The following YTHDF3 variants were observed in gnomAD, a reference collection of about 807,000 sequenced individuals.
The protein encoded by YTHDF3 is YTH N6-methyladenosine RNA binding protein F3, also known as YTH domain-containing family protein 3.
Under a neutral mutation model 52.5 loss-of-function variants are expected in YTHDF3, and 9 were observed. The observed-to-expected ratio is 0.17, with a 90% confidence interval of 0.10 to 0.30. The LOEUF is 0.30. Ranked by LOEUF, YTHDF3 falls within the 10% of genes least tolerant of loss-of-function variation. The pLI is 1.00. For synonymous variants in YTHDF3, 274 were observed against 243.3 expected (o/e 1.13, Z -1.18); for missense variants, 534 against 715.0 (o/e 0.75, Z 2.89).
chr8:63,209,603 G>T (rs2150407047), intron 4 of YTHDF3, 80 bp from the exon 5 acceptor site: 1 of 1,323,856 alleles, frequency 7.6e-7, no homozygotes, highest in South Asian at 1.4e-5. Context: ...TACATTATAT[G>T]TGCATATAGT....
chr8:63,197,742 A>G (rs1261426689), intron 4 of YTHDF3, among the ~76,000 whole-genome samples: 1 of 152,186 alleles, frequency 6.6e-6, no homozygotes, highest in African/African-American at 2.4e-5. Context: ...TATAATGGCA[A>G]CCCCTCAGAG....
chr8:63,169,061 C>G (rs1441428152), intron 1 of YTHDF3, 160 bp downstream of exon 1: 2 of 1,408,746 alleles, frequency 1.4e-6, no homozygotes, highest in African/African-American at 3.1e-5. Flanking sequence ...GGGCGTGCGC[C>G]CTGGCCCCGT....
At chr8:63,188,703 T>TATAA (rs1563404238) in intron 4 of YTHDF3, 1 of 39,906 alleles carries the variant, frequency 2.5e-5, no homozygotes, top group African/African-American at 1.1e-4. Flanking sequence ...ATATATATAT[T>TATAA]TTTTTTTTTT....
intron 4 of YTHDF3, among the ~76,000 whole-genome samples, chr8:63,200,108 G>C (rs1309858350): frequency 6.6e-6 from 1 of 152,194 alleles, no homozygotes; most frequent in Non-Finnish European, 1.5e-5. Flanking sequence ...TGAATACTCT[G>C]CTGGTGAAAA....
chr8:63,198,555 C>T (rs1809385007), intron 4 of YTHDF3, among the ~76,000 whole-genome samples: 2 of 152,176 alleles, frequency 1.3e-5, no homozygotes, highest in South Asian at 4.1e-4. Flanking sequence ...ACTTGAGCCA[C>T]CGTGCCTGGC....
In YTHDF3 at chr8:63,186,899, T is replaced by G. The variant is rs752551668; in HGVS notation, c.888T>G (p.Pro296=). ...VKAPPTQPVL[P]PQTIIQQPQP... is the part of the protein sequence containing the mutation. ...CTCCACCAACCCAACCAGTTCTGCC[T>G]CCTCAAACTATAATCCAGCAGCCTC... Residue 296 remains proline (P), a synonymous_variant, in exon 4 of 5, where the codon CCT becomes CCG. Transcript: ENST00000539294. The G allele has an allele frequency of 5.6e-6, 9 of 1,613,842 alleles. No homozygotes were observed. Among genetic ancestry groups the G allele is most frequent in the East Asian group, 2.2e-5 (1 of 44,892 alleles).
rs374286848 is a variant in YTHDF3 at position 63,209,606 on chromosome 8, C to T, written c.1735-77C>T. 12 of 1,339,026 alleles carry T rather than the reference C, an allele frequency of 9.0e-6. No homozygotes were observed. The East Asian group carries it at 1.5e-4, about 17-fold the overall frequency. 82.9% of individuals were successfully genotyped at this position (1,339,026 alleles called of 1,614,324 possible). A position where few individuals can be genotyped will look rare whatever the true frequency, so the allele number is the denominator to read the frequency against. ...ATGGAGATGATTTACATTATATGTG[C>T]ATATAGTTTAAATCTTTAAATAATG... On this transcript the variant is annotated intron_variant, in intron 4 of 4. Coordinates refer to ENST00000539294, the MANE Select transcript of YTHDF3 (RefSeq NM_152758.6).
chr8:63,191,003 A>G (rs1259633812), intron 4 of YTHDF3, among the ~76,000 whole-genome samples: 2 of 152,214 alleles, frequency 1.3e-5, no homozygotes, highest in East Asian at 1.9e-4. Flanking sequence ...TATGTAAGCA[A>G]CCATTTAGCT....
chr8:63,209,826 T>G lies in YTHDF3; in HGVS notation c.*120T>G, dbSNP rs780221226. On this transcript the variant is annotated 3_prime_UTR_variant, in exon 5 of 5. Transcript: ENST00000539294. ...GCTTAAGGTGACATCTTTGAACACTTTAACACAAAGTTGACTCTTCTCGTA... is the reference window on the plus strand; with the variant it reads ...GCTTAAGGTGACATCTTTGAACACTGTAACACAAAGTTGACTCTTCTCGTA... 20 of 1,009,710 alleles carry G rather than the reference T, an allele frequency of 2.0e-5. No individual in the cohort carries two copies. Among genetic ancestry groups the G allele is most frequent in the African/African-American group, 3.3e-5 (2 of 60,604 alleles). The allele number at this position is 1,009,710 out of a possible 1,614,324, so 62.5% of individuals were successfully genotyped here.
intron 4 of YTHDF3, among the ~76,000 whole-genome samples, chr8:63,202,462 CTTT>C (rs5891892): frequency 6.3e-5 from 8 of 127,988 alleles, no homozygotes; most frequent in Admixed American, 7.8e-5. Flanking sequence ...TTGTTCTACT[CTTT>C]TTTTTTTTTT....
At chr8:63,173,223 T>TATATATATA (rs1554533399) in intron 2 of YTHDF3, among the ~76,000 whole-genome samples, 9 of 143,964 alleles carry the variant, frequency 6.3e-5, no homozygotes, top group African/African-American at 1.3e-4. Context: ...TACAGATAAA[T>TATATATATA]TTTAAGTAAG....
Position 63,186,315 on chromosome 8 carries a change from C to G in YTHDF3, c.304C>G (p.Pro102Ala), listed in dbSNP as rs769939625. 3 of 1,613,876 alleles carry G rather than the reference C, an allele frequency of 1.9e-6. No homozygotes were observed. Among genetic ancestry groups the G allele is most frequent in the African/African-American group, 1.3e-5 (1 of 74,896 alleles). Residue 102 changes from proline (P) to alanine (A), a missense_variant, in exon 4 of 5, where the codon CCA (proline) becomes GCA (alanine). By Grantham distance (27) the Pro-to-Ala change is conservative. Transcript: ENST00000539294. ...QMSNGEHHYI[P>A]DGVFSQPGAL... ...GAGTAATGGAGAACATCACTATATA[C>G]CAGATGGTGTATTTAGTCAACCTGG...
intron 3 of YTHDF3, among the ~76,000 whole-genome samples, chr8:63,177,523 G>A (rs1028636349): frequency 8.5e-5 from 13 of 152,080 alleles, no homozygotes; most frequent in African/African-American, 1.7e-4. Context: ...CTCAGTTAAC[G>A]CTTATGGCAG....
rs560451044 is a variant in YTHDF3 at position 63,175,505 on chromosome 8, C to G, written c.135+89C>G. ...CAAATAGATTATTTAATGAGATTAACCATAACATGGATTCATTCATCTAGT... is the reference window on the plus strand; with the variant it reads ...CAAATAGATTATTTAATGAGATTAAGCATAACATGGATTCATTCATCTAGT... On this transcript the variant is annotated intron_variant, in intron 3 of 4. Coordinates refer to ENST00000539294, the MANE Select transcript of YTHDF3 (RefSeq NM_152758.6). 1.4e-4 allele frequency: 149 copies of G among 1,054,912 alleles called. No homozygotes were observed. The African/African-American group carries it at 1.9e-3, about 14-fold the overall frequency. The allele number at this position is 1,054,912 out of a possible 1,614,324, so 65.3% of individuals were successfully genotyped here. A position where few individuals can be genotyped will look rare whatever the true frequency, so the allele number is the denominator to read the frequency against.
At chr8:63,197,820 A>G (rs1301209521) in intron 4 of YTHDF3, among the ~76,000 whole-genome samples, 2 of 152,214 alleles carry the variant, frequency 1.3e-5, no homozygotes, top group Non-Finnish European at 2.9e-5. Context: ...TCCAGTATAA[A>G]TTCAAATAGT....
chr8:63,200,773 A>C (rs766666531), intron 4 of YTHDF3, among the ~76,000 whole-genome samples: 22 of 152,210 alleles, frequency 1.4e-4, no homozygotes, highest in Non-Finnish European at 2.6e-4. Flanking sequence ...TATTTCTAGC[A>C]AATACAATTT....
intron 4 of YTHDF3, among the ~76,000 whole-genome samples, chr8:63,202,357 A>T (rs1809693723): frequency 6.6e-6 from 1 of 152,114 alleles, no homozygotes. Context: ...GGGACAGTGC[A>T]TGCTAGAAGC....
chr8:63,169,378 G>A lies in YTHDF3; in HGVS notation c.25-9G>A, dbSNP rs1481232833. The A allele has an allele frequency of 6.2e-6, 10 of 1,600,078 alleles. No homozygotes were observed. Among genetic ancestry groups the A allele is most frequent in the Non-Finnish European group, 6.8e-6 (8 of 1,172,584 alleles). The stretch of plus-strand genomic sequence containing the variant: ...TCCTCTTTACCGCATCTTTCGTCTT[G>A]CAACACAGAGACCTAAAGGGCAAGG... On this transcript the variant is annotated splice_polypyrimidine_tract_variant and intron_variant, in intron 1 of 4. Coordinates refer to ENST00000539294, the MANE Select transcript of YTHDF3 (RefSeq NM_152758.6).
intron 4 of YTHDF3, among the ~76,000 whole-genome samples, chr8:63,196,495 G>A (rs991830880): frequency 6.6e-6 from 1 of 151,468 alleles, no homozygotes; most frequent in Non-Finnish European, 1.5e-5. Flanking sequence ...CCAGGAGGCG[G>A]AAGTTGCAGT....
Sources: allele counts gnomAD v4.1 joint callset (sites outside exome capture counted in the v4.1 genomes callset), GRCh38; gene constraint gnomAD v4.1.1; transcripts MANE v1.5; gene names NCBI Gene and HGNC (gene_info 2026-07-23, HGNC 2026-07-21).